SETD9: variants seen among roughly 807,000 people sequenced by gnomAD.
SETD9 encodes the protein SET domain containing 9.
A neutral mutation model predicts 36.4 loss-of-function variants in SETD9; 37 were observed. That is an observed-to-expected ratio of 1.02 (90% CI 0.78 to 1.34). SETD9 has a LOEUF of 1.34. Ranked by LOEUF, SETD9 falls within the 40% of genes most tolerant of loss-of-function variation. The pLI, the probability that SETD9 is intolerant of heterozygous loss-of-function variation, is 0.00. For synonymous variants in SETD9, 128 were observed against 132.9 expected (o/e 0.96, Z 0.26); for missense variants, 323 against 353.2 (o/e 0.91, Z 0.69).
chr5:56,909,758 C>T lies in SETD9; in HGVS notation c.98+15C>T. 6.2e-7 allele frequency: 1 copy of T among 1,605,102 alleles called. No homozygotes were observed. The highest frequency in any genetic ancestry group is 8.5e-7 in the Non-Finnish European group (1 of 1,175,248). On this transcript the variant is annotated intron_variant, in intron 1 of 5. Coordinates refer to ENST00000285947, the MANE Select transcript of SETD9 (RefSeq NM_153706.4). ...CACAACCCGAGGTGAGAGGGCGGGA[C>T]GGCAGAACGAGGGGCACCTGCCTTC...
chr5:56,921,148 G>A (rs997437160), downstream of SETD9: 1 of 152,530 alleles, frequency 6.6e-6, no homozygotes, highest in African/African-American at 2.4e-5. Flanking sequence ...AAGTGCAACT[G>A]GTATTAGCAT....
downstream of SETD9, chr5:56,920,852 G>A (rs1226532143): frequency 6.6e-6 from 1 of 152,380 alleles, no homozygotes; most frequent in African/African-American, 2.4e-5. Flanking sequence ...ATTTTAACAA[G>A]GAATTAAAAG....
chr5:56,917,182 A>G lies in SETD9; in HGVS notation c.*280A>G, dbSNP rs776096209. ...AAATTAAAACCTACTCTTTGAACTT[A>G]TAATTTCAATTTTTCTTTTGTTTAT... On this transcript the variant is annotated 3_prime_UTR_variant, in exon 6 of 6. Transcript: ENST00000285947. 1.5e-4 allele frequency: 158 copies of G among 1,088,942 alleles called. No homozygotes were observed. Among genetic ancestry groups the G allele is most frequent in the Non-Finnish European group, 1.7e-4 (152 of 898,218 alleles). 67.5% of individuals were successfully genotyped at this position (1,088,942 alleles called of 1,614,324 possible). A position where few individuals can be genotyped will look rare whatever the true frequency, so the allele number is the denominator to read the frequency against.
At chr5:56,923,325 T>C in intron 5 of SETD9, 2 of 1,614,218 alleles carry the variant, frequency 1.2e-6, no homozygotes, top group Non-Finnish European at 1.7e-6. Context: ...GGGACGGCAA[T>C]GCCCATTTTC....
chr5:56,928,899 A>T (rs1259360272), downstream of SETD9: 1 of 1,478,222 alleles, frequency 6.8e-7, no homozygotes, highest in South Asian at 1.2e-5. Flanking sequence ...TGGGCCCCCA[A>T]ATTTTCTTAT....
In SETD9 at chr5:56,909,728, T is replaced by G. The variant is rs1189117077; in HGVS notation, c.83T>G (p.Leu28Arg). ...TTCGTTCCCTGGATCGCACTGAACC[T>G]AAGCCACAACCCGAGGTGAGAGGGC... ...YRFVPWIALN[L>R]SHNPRTLRYV... is the part of the protein sequence containing the mutation. The change falls in exon 1 of 6, where the codon CTA (leucine) becomes CGA (arginine). Residue 28 changes from leucine to arginine, a missense_variant. Coordinates refer to ENST00000285947, the MANE Select transcript of SETD9 (RefSeq NM_153706.4). 3.7e-6 allele frequency: 6 copies of G among 1,610,792 alleles called. No individual in the cohort carries two copies. Among genetic ancestry groups the G allele is most frequent in the African/African-American group, 1.3e-5 (1 of 74,476 alleles).
intron 2 of SETD9, 70 bp from the exon 3 acceptor site, chr5:56,912,931 TATTCCAAAGA>T (rs983757612): frequency 1.8e-5 from 26 of 1,416,528 alleles, no homozygotes; most frequent in African/African-American, 2.9e-5. Context: ...AATGTGATTA[TATTCCAAAGA>T]AGGGTTCTTA....
chr5:56,923,373 T>C (rs1223101290), intron 5 of SETD9: 2 of 1,614,184 alleles, frequency 1.2e-6, no homozygotes, highest in South Asian at 2.2e-5. Flanking sequence ...TCACTGCACA[T>C]GTTCATAGGG....
chr5:56,921,932 AT>A (rs1186977735), downstream of SETD9: 1 of 152,586 alleles, frequency 6.6e-6, no homozygotes, highest in Non-Finnish European at 1.5e-5. Flanking sequence ...CATTCACAAT[AT>A]TTGGAATAAA....
In SETD9 at chr5:56,916,992, A is replaced by G. The variant is rs886101805; in HGVS notation, c.*90A>G. ...CACTTCTCTGAGTTCTACCTGTAAA[A>G]CAAATATTTTGAGACTTAATTGGAA... On this transcript the variant is annotated 3_prime_UTR_variant, in exon 6 of 6. Coordinates refer to ENST00000285947, the MANE Select transcript of SETD9 (RefSeq NM_153706.4). The G allele has an allele frequency of 7.1e-7, 1 of 1,408,028 alleles. No homozygotes were observed. The highest frequency in any genetic ancestry group is 1.5e-5 in the African/African-American group (1 of 66,648). 87.2% of individuals were successfully genotyped at this position (1,408,028 alleles called of 1,614,324 possible).
chr5:56,919,866 AAACT>A (rs1749585397), downstream of SETD9: 1 of 152,630 alleles, frequency 6.6e-6, no homozygotes, highest in African/African-American at 2.4e-5. Context: ...TTTAACAATA[AAACT>A]AATAGTTTCC....
chr5:56,923,242 G>A, intron 5 of SETD9: 17 of 1,614,136 alleles, frequency 1.1e-5, no homozygotes, highest in Non-Finnish European at 1.4e-5. Context: ...TTTTGGCACT[G>A]GTGATGTGAT....
Position 56,916,799 on chromosome 5 carries a change from A to G in SETD9, c.813-16A>G, listed in dbSNP as rs747279296. On this transcript the variant is annotated splice_polypyrimidine_tract_variant and intron_variant, in intron 5 of 5. Coordinates refer to ENST00000285947, the MANE Select transcript of SETD9 (RefSeq NM_153706.4). The stretch of plus-strand genomic sequence containing the variant: ...TTTGTTAATGCTCTACCTTTTGTAT[A>G]TCTTTTTGTTTTCAGCCCACTTCGA... The G allele has an allele frequency of 2.5e-6, 4 of 1,598,586 alleles. No homozygotes were observed. Among genetic ancestry groups the G allele is most frequent in the Admixed American group, 1.8e-5 (1 of 56,550 alleles).
chr5:56,910,000 T>C (rs1005578722), intron 1 of SETD9: 5 of 1,316,616 alleles, frequency 3.8e-6, no homozygotes, highest in Non-Finnish European at 4.9e-6. Context: ...AAGTGGGCGG[T>C]GGCTTCAGGT....
At chr5:56,911,801 T>TAAATTTAGAAC (rs1749144367) in intron 2 of SETD9, among the ~76,000 whole-genome samples, 1 of 152,204 alleles carries the variant, frequency 6.6e-6, no homozygotes, top group South Asian at 2.1e-4. Flanking sequence ...TAGAACATAG[T>TAAATTTAGAAC]ATGACCCACT....
chr5:56,915,286 C>T (rs1032490693), intron 5 of SETD9, among the ~76,000 whole-genome samples: 2 of 152,078 alleles, frequency 1.3e-5, no homozygotes, highest in African/African-American at 4.8e-5. Flanking sequence ...TTACTTTAAT[C>T]ATTTATAATA....
intron 5 of SETD9, chr5:56,923,401 A>C: frequency 6.2e-7 from 1 of 1,614,148 alleles, no homozygotes; most frequent in Non-Finnish European, 8.5e-7. Context: ...CCGAGTGATA[A>C]AATCCAGTCT....
At chr5:56,925,362 A>G (rs1749914387) in exon 6 of SETD9, 1 of 453,500 alleles carries the variant, frequency 2.2e-6, no homozygotes. Flanking sequence ...AGAAAACTCC[A>G]AAGAATCAAC....
intron 3 of SETD9, among the ~76,000 whole-genome samples, chr5:56,913,474 C>T (rs1254964625): frequency 6.6e-6 from 1 of 151,834 alleles, no homozygotes; most frequent in Admixed American, 6.6e-5. Context: ...ACCTCTGCCT[C>T]CCGGGTTCAA....
Sources: gnomAD v4.1 joint callset for allele counts (sites outside exome capture counted in the v4.1 genomes callset) on GRCh38, gnomAD v4.1.1 for gene constraint, MANE v1.5 for transcripts, NCBI Gene and HGNC (gene_info 2026-07-23, HGNC 2026-07-21) for gene names.